LYST: variants seen among roughly 807,000 people sequenced by gnomAD.
LYST encodes lysosomal trafficking regulator, also known as lysosomal-trafficking regulator.
LYST carries 192 observed loss-of-function variants against 413.6 expected under a neutral mutation model. The observed-to-expected ratio is 0.46, with a 90% CI of 0.41 to 0.52. The LOEUF is 0.52. Among genes scored for constraint, LYST ranks in the 20% least tolerant of loss-of-function variants. The probability of loss-of-function intolerance (pLI) is 0.00; values close to 1 mark genes in which losing one functional copy is unlikely to be tolerated. For missense variants in LYST, 3,815 were observed against 4,499.9 expected, an observed-to-expected ratio of 0.85 and a Z score of 4.35; for synonymous variants, 1,525 against 1,567.3, an observed-to-expected ratio of 0.97 and a Z score of 0.64.
intron 1 of LYST, among the ~76,000 whole-genome samples, chr1:235,857,716 C>T (rs895069877): frequency 2.8e-5 from 4 of 143,132 alleles, no homozygotes; most frequent in African/African-American, 8.2e-5. Context: ...CACACACACA[C>T]GTATATATAC....
At chr1:235,759,643 G>A (rs772370931) in intron 22 of LYST, 44 bp from the exon 23 acceptor site, 33 of 1,415,238 alleles carry the variant, frequency 2.3e-5, no homozygotes, top group Non-Finnish European at 3.2e-5. Flanking sequence ...AATCTATTAA[G>A]TGGAACCACC....
At chr1:235,879,590 C>T (rs1681285811) in intron 1 of LYST, among the ~76,000 whole-genome samples, 1 of 152,224 alleles carries the variant, frequency 6.6e-6, no homozygotes, top group South Asian at 2.1e-4. Context: ...TCATTATACT[C>T]ATCTTTTCCC....
chr1:235,847,665 C>T (rs1678036262), intron 1 of LYST, among the ~76,000 whole-genome samples: 1 of 152,152 alleles, frequency 6.6e-6, no homozygotes, highest in African/African-American at 2.4e-5. Flanking sequence ...ACTCACCTAA[C>T]ACATAAGCAC....
At chr1:235,700,143 A>G (rs1292491854) in intron 45 of LYST, among the ~76,000 whole-genome samples, 1 of 152,190 alleles carries the variant, frequency 6.6e-6, no homozygotes, top group African/African-American at 2.4e-5. Context: ...TTAGAAGAAA[A>G]TCTAGGCAAT....
At chr1:235,733,237 C>G (rs1246815846) in intron 34 of LYST, among the ~76,000 whole-genome samples, 1 of 151,968 alleles carries the variant, frequency 6.6e-6, no homozygotes, top group Admixed American at 6.6e-5. Context: ...AGTGATTTCT[C>G]TATTCTTTTA....
rs547633110 is a variant in LYST at position 235,685,827 on chromosome 1, C to G, written c.10800+1122G>C. 4.1e-5 allele frequency among the ~76,000 whole-genome samples: 6 copies of G among 146,776 alleles called. No individual in the cohort carries two copies. In the East Asian group the frequency reaches 1.2e-3, roughly 30 times the overall value. On this transcript the variant is annotated intron_variant, in intron 48 of 52. Transcript: ENST00000389793. ...CACCATTGCACTCTGGCCTGGGCGA[C>G]AGAGTGAGACTCTGTCTTAAAACAA...
intron 19 of LYST, among the ~76,000 whole-genome samples, chr1:235,771,218 A>G (rs1302162116): frequency 6.6e-6 from 1 of 152,216 alleles, no homozygotes; most frequent in Non-Finnish European, 1.5e-5. Context: ...TTCAAATCTG[A>G]AAAGTAGTAC....
At chr1:235,792,228 T>C in intron 11 of LYST, 103 bp from the exon 12 acceptor site, 1 of 729,636 alleles carries the variant, frequency 1.4e-6, no homozygotes, top group Non-Finnish European at 2.3e-6. Flanking sequence ...TACCCACACA[T>C]ATCAGCATTC....
intron 50 of LYST, among the ~76,000 whole-genome samples, chr1:235,670,592 A>G (rs1658857394): frequency 6.6e-6 from 1 of 152,208 alleles, no homozygotes; most frequent in Non-Finnish European, 1.5e-5. Context: ...TCTCAGCAAC[A>G]TGGAAGGAAA....
intron 21 of LYST, among the ~76,000 whole-genome samples, chr1:235,765,501 C>A (rs1185371894): frequency 6.6e-6 from 1 of 152,098 alleles, no homozygotes; most frequent in Non-Finnish European, 1.5e-5. Flanking sequence ...ATTCAAGGAC[C>A]CATTTGATAT....
chr1:235,669,253 C>T lies in LYST; in HGVS notation c.11039-4632G>A, dbSNP rs534782392. 2.6e-5 allele frequency among the ~76,000 whole-genome samples: 4 copies of T among 152,170 alleles called. No homozygotes were observed. The South Asian group carries it at 8.3e-4, about 32-fold the overall frequency. ...TGAGGACTGAAACTTCCAGATACCC[C>T]CCAACTCTCATGCCCACCTCCTGGT... On this transcript the variant is annotated intron_variant, in intron 50 of 52. Transcript: ENST00000389793.
At chr1:235,823,170 G>T (rs1378166706) in intron 3 of LYST, among the ~76,000 whole-genome samples, 2 of 152,108 alleles carry the variant, frequency 1.3e-5, no homozygotes, top group African/African-American at 4.8e-5. Context: ...TAATTAAAAC[G>T]GGAATAATTC....
rs1436629091 is a variant in LYST at position 235,674,380 on chromosome 1, A to G, written c.11038+2711T>C. ...ATCCCTTTCACCCTGGCATTTCATCAACCAAATAGAAAGAACAATCGTAAA... is the reference window on the plus strand; with the variant it reads ...ATCCCTTTCACCCTGGCATTTCATCGACCAAATAGAAAGAACAATCGTAAA... On this transcript the variant is annotated intron_variant, in intron 50 of 52. Transcript: ENST00000389793. This position sits in a 1 kb window ranked among gnomAD's most constrained non-coding sequence, Gnocchi z 4.1. 6.6e-6 allele frequency among the ~76,000 whole-genome samples: 1 copy of G among 151,294 alleles called. No individual in the cohort carries two copies. Among genetic ancestry groups the G allele is most frequent in the Non-Finnish European group, 1.5e-5 (1 of 67,952 alleles).
intron 46 of LYST, among the ~76,000 whole-genome samples, chr1:235,694,835 CT>C (rs1007108815): frequency 2.4e-4 from 35 of 147,540 alleles, no homozygotes; most frequent in African/African-American, 2.2e-4. Flanking sequence ...GAGGCATCAT[CT>C]TTTTTTTTTT....
rs1328200056 is a variant in LYST, at chr1:235,803,203, A to G, written c.3556-139T>C. Reference sequence around the variant, plus strand: ...CTTAGTAAACAATATGAATCATTATAAATTATGAAATTCACTCAGCAAAAT... The same window carrying G: ...CTTAGTAAACAATATGAATCATTATGAATTATGAAATTCACTCAGCAAAAT... On this transcript the variant is annotated intron_variant, in intron 7 of 52. Transcript: ENST00000389793. The G allele has an allele frequency of 2.7e-5, 19 of 696,464 alleles. No individual in the cohort carries two copies. In the Admixed American group the frequency reaches 5.3e-4, roughly 20 times the overall value. The allele number at this position is 696,464 out of a possible 1,614,324, so 43.1% of individuals were successfully genotyped here.
At chr1:235,692,002 A>G (rs547883644) in intron 47 of LYST, among the ~76,000 whole-genome samples, 1 of 150,150 alleles carries the variant, frequency 6.7e-6, no homozygotes, top group African/African-American at 2.4e-5. Context: ...CCAGCCTAAC[A>G]TCAGATTCTT....
chr1:235,777,336 A>G, intron 16 of LYST, 28 bp from the exon 17 acceptor site: 1 of 1,603,492 alleles, frequency 6.2e-7, no homozygotes, highest in Non-Finnish European at 8.5e-7. Context: ...TCATTCAGTA[A>G]TGACAACAAG....
chr1:235,779,228 G>A (rs1003071100), intron 16 of LYST, among the ~76,000 whole-genome samples: 2 of 152,004 alleles, frequency 1.3e-5, no homozygotes, highest in Non-Finnish European at 2.9e-5. Flanking sequence ...TTACTAAATC[G>A]GGCTTAAACA....
chr1:235,816,611 T>C (rs564518745), intron 3 of LYST, among the ~76,000 whole-genome samples: 9 of 151,918 alleles, frequency 5.9e-5, no homozygotes, highest in African/African-American at 2.2e-4. Flanking sequence ...GCCAAAGCAA[T>C]CCTATACAAA....
Sources: gnomAD v4.1 joint callset for allele counts (sites outside exome capture counted in the v4.1 genomes callset) on GRCh38, gnomAD v4.1.1 for gene constraint, Gnocchi (gnomAD v3.1) non-coding constraint, MANE v1.5 for transcripts, NCBI Gene and HGNC (gene_info 2026-07-23, HGNC 2026-07-21) for gene names.